The following ZNF423 variants were observed in gnomAD, a reference collection of about 807,000 sequenced individuals.
ZNF423 encodes the protein zinc finger protein 423.
A neutral mutation model predicts 95.8 loss-of-function variants in ZNF423; 12 were observed. That is an observed-to-expected ratio of 0.13 (90% confidence interval 0.08 to 0.20). ZNF423 has a LOEUF of 0.20. Ranked by LOEUF, ZNF423 falls within the 10% of genes least tolerant of loss-of-function variation. The pLI is 1.00. For synonymous variants in ZNF423, 749 were observed against 711.9 expected (o/e 1.05, Z -0.83); for missense variants, 1,316 against 1,737.1 (o/e 0.76, Z 4.31).
intron 2 of ZNF423, among the ~76,000 whole-genome samples, chr16:49,753,892 A>G (rs2033676346): frequency 6.6e-6 from 1 of 152,044 alleles, no homozygotes; most frequent in African/African-American, 2.4e-5. Flanking sequence ...TTAGCTGGGA[A>G]TGGTGGCGGG....
chr16:49,827,464 C>T lies in ZNF423; in HGVS notation c.40+28271G>A, dbSNP rs540574855. On this transcript the variant is annotated intron_variant, in intron 1 of 7. Transcript: ENST00000563137. ...CAAGAACCCTACCTAGTCTGGGACACGACAGACGCTCAGTAATACTTGATT... is the reference window on the plus strand; with the variant it reads ...CAAGAACCCTACCTAGTCTGGGACATGACAGACGCTCAGTAATACTTGATT... 4.4e-4 allele frequency among the ~76,000 whole-genome samples: 67 copies of T among 152,168 alleles called. 1 individual carries two copies. The highest frequency in any genetic ancestry group is 1.6e-3 in the African/African-American group (66 of 41,516).
rs111505346 is a variant in ZNF423 at position 49,692,377 on chromosome 16, G to C, written c.301+38394C>G. The stretch of plus-strand genomic sequence containing the variant: ...CTGGCAGACCCCCAGCACACAGCCC[G>C]ATGCAGAGCCAAGAGGTCTGCCCCA... On this transcript the variant is annotated intron_variant, in intron 3 of 7. Coordinates refer to ENST00000563137, the MANE Select transcript of ZNF423 (RefSeq NM_001379286.1). Among the ~76,000 whole-genome samples the C allele has an allele frequency of 4.5e-3, 682 of 152,202 alleles. 9 individuals carry two copies. The highest frequency in any genetic ancestry group is 0.015 in the African/African-American group (619 of 41,510).
At chr16:49,601,656 C>G (rs1470274828) in intron 5 of ZNF423, among the ~76,000 whole-genome samples, 1 of 152,216 alleles carries the variant, frequency 6.6e-6, no homozygotes. Context: ...AAACATGCAA[C>G]GTCAATGACA....
chr16:49,695,822 G>A (rs936631878), intron 3 of ZNF423, among the ~76,000 whole-genome samples: 1 of 152,222 alleles, frequency 6.6e-6, no homozygotes, highest in Non-Finnish European at 1.5e-5. Flanking sequence ...AGACAATTTA[G>A]TACAAGAAGG....
At chr16:49,671,199 G>T (rs966000060) in intron 3 of ZNF423, among the ~76,000 whole-genome samples, 1 of 152,206 alleles carries the variant, frequency 6.6e-6, no homozygotes, top group Non-Finnish European at 1.5e-5. Flanking sequence ...AATGGTGTCA[G>T]CATGCACTTG....
chr16:49,510,392 A>G (rs1967837952), intron 7 of ZNF423, among the ~76,000 whole-genome samples: 1 of 152,190 alleles, frequency 6.6e-6, no homozygotes, highest in Non-Finnish European at 1.5e-5. Flanking sequence ...CCTTGTCCCT[A>G]GAAGGCCCAG....
At chr16:49,765,759 C>T (rs889845917) in intron 2 of ZNF423, among the ~76,000 whole-genome samples, 6 of 152,092 alleles carry the variant, frequency 3.9e-5, no homozygotes, top group Non-Finnish European at 8.8e-5. Context: ...GGAGGAAATT[C>T]TAATATATGC....
At chr16:49,844,116 TAAAA>T (rs563357549) in intron 1 of ZNF423, among the ~76,000 whole-genome samples, 1 of 132,336 alleles carries the variant, frequency 7.6e-6, no homozygotes, top group Non-Finnish European at 1.6e-5. Flanking sequence ...CTCCATCTGT[TAAAA>T]AAAAAAAAAA....
chr16:49,643,510 T>G, intron 3 of ZNF423, among the ~76,000 whole-genome samples: 1 of 137,252 alleles, frequency 7.3e-6, no homozygotes, highest in South Asian at 2.7e-4. Context: ...AACCCCCCCT[T>G]AGTCCTGTTC....
intron 3 of ZNF423, among the ~76,000 whole-genome samples, chr16:49,710,754 C>A (rs1343599711): frequency 6.6e-6 from 1 of 152,198 alleles, no homozygotes; most frequent in African/African-American, 2.4e-5. Flanking sequence ...CCATACCAGT[C>A]AAGAGGTGAC....
In ZNF423 at chr16:49,637,290, G is replaced by A. The variant is rs1972765928; in HGVS notation, c.1886C>T (p.Ser629Leu). ...EVSSPKRQRL[S>L]ASANSISNGE... is the part of the protein sequence containing the mutation. ...ATTGGAGATGGAGTTGGCGCTTGCT[G>A]AGAGCCGCTGCCGCTTCGGGGAAGA... The change falls in exon 4 of 8, where the codon TCA becomes TTA. Residue 629 changes from serine to leucine, a missense_variant. Ser to Leu is a moderately radical substitution (Grantham distance 145). Transcript: ENST00000563137. The surrounding 1 kb of genome is among the most constrained non-coding windows in gnomAD (Gnocchi z 5.6). The A allele has an allele frequency of 2.5e-6, 4 of 1,614,228 alleles. No homozygotes were observed. Among genetic ancestry groups the A allele is most frequent in the East Asian group, 2.2e-5 (1 of 44,880 alleles).
intron 3 of ZNF423, among the ~76,000 whole-genome samples, chr16:49,671,756 T>G (rs573621337): frequency 1.8e-4 from 28 of 152,250 alleles, no homozygotes; most frequent in African/African-American, 6.5e-4. Flanking sequence ...CGATCTCGGC[T>G]CATTAGCAAC....
intron 1 of ZNF423, among the ~76,000 whole-genome samples, chr16:49,804,891 CTTTT>C (rs754687457): frequency 2.1e-5 from 2 of 95,904 alleles, no homozygotes; most frequent in African/African-American, 8.2e-5. Flanking sequence ...GATCCCACAG[CTTTT>C]TTTTTTTTTT....
intron 1 of ZNF423, among the ~76,000 whole-genome samples, chr16:49,797,884 C>G (rs904138059): frequency 7.2e-5 from 11 of 151,912 alleles, no homozygotes; most frequent in Non-Finnish European, 1.6e-4. Flanking sequence ...GGGCATCTCA[C>G]CAAAAGGAGG....
At chr16:49,508,840 T>C (rs1967764425) in intron 7 of ZNF423, among the ~76,000 whole-genome samples, 1 of 152,162 alleles carries the variant, frequency 6.6e-6, no homozygotes, top group Non-Finnish European at 1.5e-5. Flanking sequence ...TGTATTTTAT[T>C]TACCCTAGAA....
chr16:49,562,578 A>G (rs1970053536), intron 5 of ZNF423, among the ~76,000 whole-genome samples: 1 of 152,222 alleles, frequency 6.6e-6, no homozygotes, highest in South Asian at 2.1e-4. Context: ...AAAGTTGTCT[A>G]TGATTGATTG....
At chr16:49,775,277 G>A (rs2034102449) in intron 2 of ZNF423, among the ~76,000 whole-genome samples, 1 of 152,204 alleles carries the variant, frequency 6.6e-6, no homozygotes, top group Admixed American at 6.5e-5. Flanking sequence ...AAGCCAGGGG[G>A]AAAACACTGG....
At chr16:49,832,000 A>C (rs2035065679) in intron 1 of ZNF423, among the ~76,000 whole-genome samples, 1 of 149,368 alleles carries the variant, frequency 6.7e-6, no homozygotes, top group Non-Finnish European at 1.5e-5. Flanking sequence ...AAAAAAAAGG[A>C]AGATGCCAGT....
At chr16:49,690,987 G>A (rs575371807) in intron 3 of ZNF423, among the ~76,000 whole-genome samples, 13 of 152,320 alleles carry the variant, frequency 8.5e-5, no homozygotes, top group Non-Finnish European at 1.3e-4. Flanking sequence ...TGAGCTCCCC[G>A]GCAGCCCATG....
Sources: gnomAD v4.1 joint callset for allele counts (sites outside exome capture counted in the v4.1 genomes callset) on GRCh38, gnomAD v4.1.1 for gene constraint, Gnocchi (gnomAD v3.1) non-coding constraint, MANE v1.5 for transcripts, NCBI Gene and HGNC (gene_info 2026-07-23, HGNC 2026-07-21) for gene names.